The following SIAH3 variants were observed in gnomAD, a reference collection of about 807,000 sequenced individuals.
SIAH3 encodes the protein seven in absentia homolog 3.
Under a neutral mutation model 12.6 loss-of-function variants are expected in SIAH3, and 9 were observed. That is an observed-to-expected ratio of 0.72 (90% CI 0.43 to 1.25). The LOEUF is 1.25. Ranked by LOEUF, SIAH3 falls within the 50% of genes most tolerant of loss-of-function variation. SIAH3 has a pLI of 0.00. For missense variants in SIAH3, 390 were observed against 365.4 expected, an observed-to-expected ratio of 1.07 and a Z score of -0.55; for synonymous variants, 154 against 151.1, an observed-to-expected ratio of 1.02 and a Z score of -0.14.
chr13:45,838,512 C>T (rs1483906914), intron 1 of SIAH3, among the ~76,000 whole-genome samples: 2 of 152,178 alleles, frequency 1.3e-5, no homozygotes, highest in Non-Finnish European at 2.9e-5. Flanking sequence ...TGGCAGAGAA[C>T]AGTCAGGTTC....
At chr13:45,797,820 C>T (rs1950568252) in intron 1 of SIAH3, among the ~76,000 whole-genome samples, 1 of 152,236 alleles carries the variant, frequency 6.6e-6, no homozygotes, top group Non-Finnish European at 1.5e-5. Flanking sequence ...GCCCTAACAT[C>T]CCTTTAGGAA....
At chr13:45,834,454 T>C (rs1950710972) in intron 1 of SIAH3, among the ~76,000 whole-genome samples, 1 of 152,124 alleles carries the variant, frequency 6.6e-6, no homozygotes, top group Non-Finnish European at 1.5e-5. Flanking sequence ...GCCTCAAATT[T>C]CACTGAAATT....
intron 1 of SIAH3, among the ~76,000 whole-genome samples, chr13:45,812,520 C>T (rs1950619552): frequency 6.6e-6 from 1 of 152,178 alleles, no homozygotes. Context: ...CATTAATCCT[C>T]ACATTTATTC....
chr13:45,784,838 G>A (rs926030909), intron 1 of SIAH3, among the ~76,000 whole-genome samples: 1 of 152,202 alleles, frequency 6.6e-6, no homozygotes, highest in Admixed American at 6.5e-5. Flanking sequence ...GAGCTGTGAG[G>A]ATGCCTTCTG....
intron 1 of SIAH3, among the ~76,000 whole-genome samples, chr13:45,829,439 C>T (rs1328078422): frequency 6.6e-6 from 1 of 151,908 alleles, no homozygotes; most frequent in Non-Finnish European, 1.5e-5. Flanking sequence ...CTTGTCTCTG[C>T]AAAAAATAAT....
intron 1 of SIAH3, among the ~76,000 whole-genome samples, chr13:45,832,969 C>G (rs1950704917): frequency 6.6e-6 from 1 of 152,260 alleles, no homozygotes; most frequent in South Asian, 2.1e-4. Flanking sequence ...GATGCATGTG[C>G]CTTCTGGGTA....
At chr13:45,810,466 G>T (rs1950612704) in intron 1 of SIAH3, among the ~76,000 whole-genome samples, 1 of 152,146 alleles carries the variant, frequency 6.6e-6, no homozygotes, top group Non-Finnish European at 1.5e-5. Context: ...GCTGGTGTTT[G>T]GTGGCTTACA....
intron 1 of SIAH3, among the ~76,000 whole-genome samples, chr13:45,849,686 G>A (rs536234277): frequency 6.6e-6 from 1 of 152,260 alleles, no homozygotes; most frequent in Non-Finnish European, 1.5e-5. Flanking sequence ...TCAAAATCCA[G>A]GCAGACATCA....
intron 1 of SIAH3, among the ~76,000 whole-genome samples, chr13:45,834,879 T>C (rs1950712685): frequency 6.6e-6 from 1 of 152,210 alleles, no homozygotes. Flanking sequence ...ATCATAGCTC[T>C]ATCTCACAGG....
At chr13:45,805,905 G>C (rs536737698) in intron 1 of SIAH3, among the ~76,000 whole-genome samples, 2 of 152,142 alleles carry the variant, frequency 1.3e-5, no homozygotes, top group African/African-American at 4.8e-5. Flanking sequence ...ATTAAAAATG[G>C]GCAAAGGACA....
chr13:45,839,636 T>G (rs1336150286), intron 1 of SIAH3, among the ~76,000 whole-genome samples: 2 of 151,408 alleles, frequency 1.3e-5, no homozygotes, highest in East Asian at 2.0e-4. Context: ...ATCAAGACCA[T>G]CCTGGCTAAC....
intron 1 of SIAH3, among the ~76,000 whole-genome samples, chr13:45,813,342 G>T (rs565594863): frequency 6.6e-6 from 1 of 152,138 alleles, no homozygotes; most frequent in Non-Finnish European, 1.5e-5. Flanking sequence ...GAGGCTGTCT[G>T]GCCTCCCCAG....
intron 1 of SIAH3, among the ~76,000 whole-genome samples, chr13:45,787,361 G>A (rs958658853): frequency 2.6e-5 from 4 of 152,148 alleles, no homozygotes; most frequent in Non-Finnish European, 5.9e-5. Context: ...CCCATCTTGT[G>A]CAAGGGGCTG....
At chr13:45,821,756 G>GA (rs1237344751) in intron 1 of SIAH3, among the ~76,000 whole-genome samples, 1 of 152,174 alleles carries the variant, frequency 6.6e-6, no homozygotes, top group Non-Finnish European at 1.5e-5. Context: ...TTCTTGGGTT[G>GA]AAAATCAATG....
At position 45,782,525 on chromosome 13, in the gene SIAH3, G is replaced by C. The variant is rs1950508380; in HGVS notation, c.*858C>G. The C allele has an allele frequency of 6.6e-6, 1 of 152,182 alleles. No homozygotes were observed. The highest frequency in any genetic ancestry group is 1.5e-5 in the Non-Finnish European group (1 of 68,032). 9.4% of individuals were successfully genotyped at this position (152,182 alleles called of 1,614,324 possible). On this transcript the variant is annotated 3_prime_UTR_variant, in exon 2 of 2. Coordinates refer to ENST00000400405, the MANE Select transcript of SIAH3 (RefSeq NM_198849.3). Reference sequence around the variant, plus strand: ...GGAGGGAGTGCCCTCTCAGAGATGGGAGATTAATTTTATGTTCTCTTTTTC... The same window carrying C: ...GGAGGGAGTGCCCTCTCAGAGATGGCAGATTAATTTTATGTTCTCTTTTTC...
At chr13:45,846,340 T>G (rs573912267) in intron 1 of SIAH3, among the ~76,000 whole-genome samples, 6 of 152,186 alleles carry the variant, frequency 3.9e-5, no homozygotes, top group African/African-American at 1.2e-4. Flanking sequence ...TCCACCTGCC[T>G]CGGCCTCACA....
chr13:45,828,342 G>T (rs1412070578), intron 1 of SIAH3, among the ~76,000 whole-genome samples: 1 of 152,152 alleles, frequency 6.6e-6, no homozygotes, highest in Non-Finnish European at 1.5e-5. Context: ...GAGGGGCATG[G>T]TGATCTTTAT....
chr13:45,805,365 T>C (rs2137560568), intron 1 of SIAH3, among the ~76,000 whole-genome samples: 1 of 152,202 alleles, frequency 6.6e-6, no homozygotes, highest in Non-Finnish European at 1.5e-5. Flanking sequence ...AGCACGATAC[T>C]GGTATAAAAA....
chr13:45,796,173 A>G (rs531057411), intron 1 of SIAH3, among the ~76,000 whole-genome samples: 23 of 152,188 alleles, frequency 1.5e-4, no homozygotes, highest in Admixed American at 4.6e-4. Context: ...ATATATATAT[A>G]TGTGTGTAAA....
Sources: allele counts gnomAD v4.1 joint callset (sites outside exome capture counted in the v4.1 genomes callset), GRCh38; gene constraint gnomAD v4.1.1; transcripts MANE v1.5; gene names NCBI Gene and HGNC (gene_info 2026-07-23, HGNC 2026-07-21).